Variants in FAF1 observed in about 807,000 individuals in gnomAD.
FAF1 encodes the protein Fas associated factor 1, also known as FAS-associated factor 1.
A neutral mutation model predicts 92.5 loss-of-function variants in FAF1; 25 were observed. That is an observed-to-expected ratio of 0.27 (90% CI 0.20 to 0.38). The LOEUF is 0.38. Among genes scored for constraint, FAF1 ranks in the 10% least tolerant of loss-of-function variants. The probability of loss-of-function intolerance (pLI) is 1.00; values close to 1 mark genes in which losing one functional copy is unlikely to be tolerated. For missense variants in FAF1, 636 were observed against 793.3 expected (o/e 0.80, Z 2.38); for synonymous variants, 234 against 273.2 (o/e 0.86, Z 1.42).
At chr1:50,854,569 T>A (rs968530098) in intron 2 of FAF1, among the ~76,000 whole-genome samples, 6 of 151,912 alleles carry the variant, frequency 3.9e-5, no homozygotes, top group African/African-American at 1.4e-4. Context: ...TTGACATATA[T>A]AATCTAACCT....
intron 18 of FAF1, among the ~76,000 whole-genome samples, chr1:50,458,490 C>T (rs1572755143): frequency 6.6e-6 from 1 of 152,262 alleles, no homozygotes; most frequent in East Asian, 1.9e-4. Flanking sequence ...TGTCATCGCT[C>T]CCCACCATTC....
chr1:50,605,928 C>T (rs889626140), intron 8 of FAF1, among the ~76,000 whole-genome samples: 49 of 152,260 alleles, frequency 3.2e-4, no homozygotes, highest in African/African-American at 1.2e-3. Context: ...AATAACCTGG[C>T]CTTGGAGCCA....
chr1:50,448,826 T>C (rs2148977855), intron 18 of FAF1, among the ~76,000 whole-genome samples: 1 of 152,266 alleles, frequency 6.6e-6, no homozygotes, highest in South Asian at 2.1e-4. Flanking sequence ...AGTCTTGAAC[T>C]AGTTAAGTGA....
intron 15 of FAF1, among the ~76,000 whole-genome samples, chr1:50,502,618 G>A (rs534974389): frequency 4.1e-4 from 62 of 152,250 alleles, no homozygotes; most frequent in African/African-American, 1.5e-3. Context: ...AGTGGCTGCT[G>A]GAGGCTGGAC....
chr1:50,899,363 G>T (rs1338357213), intron 1 of FAF1, among the ~76,000 whole-genome samples: 1 of 152,058 alleles, frequency 6.6e-6, no homozygotes, highest in Admixed American at 6.6e-5. Context: ...TTTTTCTCAT[G>T]ATTATGGGTC....
intron 4 of FAF1, among the ~76,000 whole-genome samples, chr1:50,755,776 T>C (rs1660051635): frequency 6.6e-6 from 1 of 152,116 alleles, no homozygotes; most frequent in Non-Finnish European, 1.5e-5. Flanking sequence ...TTCTGTGCAC[T>C]TGCAGGCTCA....
At chr1:50,491,665 C>T in intron 16 of FAF1, 56 bp downstream of exon 16, 4 of 1,242,176 alleles carry the variant, frequency 3.2e-6, no homozygotes, top group Non-Finnish European at 4.6e-6. Flanking sequence ...TAAAGGTTGG[C>T]ATTTAAATAA....
chr1:50,786,468 T>C (rs918647125), intron 4 of FAF1, among the ~76,000 whole-genome samples: 1 of 152,200 alleles, frequency 6.6e-6, no homozygotes, highest in Non-Finnish European at 1.5e-5. Flanking sequence ...AAATGGAAAG[T>C]TGCTATCCAA....
intron 1 of FAF1, among the ~76,000 whole-genome samples, chr1:50,905,308 C>T (rs557687673): frequency 2.4e-4 from 36 of 152,222 alleles, no homozygotes; most frequent in African/African-American, 8.0e-4. Flanking sequence ...TGGGTTGGTT[C>T]CAAGTCTTTG....
At chr1:50,503,331 T>C (rs1195239408) in intron 15 of FAF1, among the ~76,000 whole-genome samples, 2 of 152,060 alleles carry the variant, frequency 1.3e-5, no homozygotes, top group African/African-American at 2.4e-5. Context: ...GTATAGATAT[T>C]GTTAATGGGC....
At chr1:50,519,224 G>T (rs1052945455) in intron 15 of FAF1, among the ~76,000 whole-genome samples, 1 of 151,970 alleles carries the variant, frequency 6.6e-6, no homozygotes, top group Non-Finnish European at 1.5e-5. Context: ...CAGCTACTTG[G>T]GGGGCTGAGG....
intron 7 of FAF1, among the ~76,000 whole-genome samples, chr1:50,677,336 G>C (rs948961328): frequency 6.6e-6 from 1 of 152,048 alleles, no homozygotes. Context: ...GGAGCAATTT[G>C]GCAATATTAA....
intron 1 of FAF1, among the ~76,000 whole-genome samples, chr1:50,957,651 C>G (rs1645280160): frequency 1.3e-5 from 2 of 152,066 alleles, no homozygotes; most frequent in South Asian, 4.1e-4. Context: ...CATGCCCGGC[C>G]GAAATTTTCA....
chr1:50,923,223 G>A (rs12071359), intron 1 of FAF1, among the ~76,000 whole-genome samples: 18,186 of 151,962 alleles, frequency 0.12, 1,348 homozygotes, highest in African/African-American at 0.21. Context: ...GTTCATGACC[G>A]GCCTGGGCAA....
intron 17 of FAF1, among the ~76,000 whole-genome samples, chr1:50,487,487 T>C: frequency 6.6e-6 from 1 of 152,206 alleles, no homozygotes; most frequent in Non-Finnish European, 1.5e-5. Flanking sequence ...TGTAAGTTTC[T>C]TGAAACTGAT....
intron 13 of FAF1, among the ~76,000 whole-genome samples, chr1:50,554,963 A>T (rs1649497333): frequency 6.6e-6 from 1 of 152,170 alleles, no homozygotes; most frequent in Non-Finnish European, 1.5e-5. Context: ...CTGTCTGCAC[A>T]AACAATGAGA....
At chr1:50,910,064 G>A (rs1644872258) in intron 1 of FAF1, among the ~76,000 whole-genome samples, 2 of 152,200 alleles carry the variant, frequency 1.3e-5, no homozygotes, top group Non-Finnish European at 2.9e-5. Flanking sequence ...GGGTTTTGGT[G>A]TGGATGTCCT....
rs79299967 is a variant in FAF1 at position 50,625,179 on chromosome 1, C to T, written c.745-28963G>A. ...CTTCCCAAAGTGCTGGGATTACAGG[C>T]GTGAGCCACCGCTCCCGGCAGAGAA... On this transcript the variant is annotated intron_variant, in intron 8 of 18. Coordinates refer to ENST00000396153, the MANE Select transcript of FAF1 (RefSeq NM_007051.3). Among the ~76,000 whole-genome samples the T allele has an allele frequency of 7.7e-3, 1,175 of 152,160 alleles. 13 individuals are homozygous for T. Among genetic ancestry groups the T allele is most frequent in the African/African-American group, 0.027 (1,132 of 41,518 alleles).
At chr1:50,764,726 A>G (rs562303788) in intron 4 of FAF1, among the ~76,000 whole-genome samples, 10 of 152,214 alleles carry the variant, frequency 6.6e-5, no homozygotes, top group African/African-American at 1.7e-4. Flanking sequence ...GAGAGGTACT[A>G]TATCAGTTAT....
Sources: gnomAD v4.1 joint callset for allele counts (sites outside exome capture counted in the v4.1 genomes callset) on GRCh38, gnomAD v4.1.1 for gene constraint, MANE v1.5 for transcripts, NCBI Gene and HGNC (gene_info 2026-07-23, HGNC 2026-07-21) for gene names.